Variants in DGKK observed in about 807,000 individuals in gnomAD.
DGKK encodes the protein 142 kDa diacylglycerol kinase.
DGKK carries 35 observed loss-of-function variants against 92.2 expected under a neutral mutation model. The observed-to-expected ratio is 0.38, with a 90% CI of 0.29 to 0.50. The LOEUF is 0.50. Ranked by LOEUF, DGKK falls within the 20% of genes least tolerant of loss-of-function variation. The pLI is 0.92. For missense variants in DGKK, 910 were observed against 992.2 expected, an observed-to-expected ratio of 0.92 and a Z score of 1.11; for synonymous variants, 368 against 360.6, an observed-to-expected ratio of 1.02 and a Z score of -0.23.
At chrX:50,401,772 C>T (rs1925012497) in intron 7 of DGKK, among the ~76,000 whole-genome samples, 1 of 110,572 alleles carries the variant, frequency 9.0e-6, no homozygotes, top group Admixed American at 9.6e-5. Flanking sequence ...CAGAGGACAA[C>T]CAGAGTCTTC....
intron 22 of DGKK, among the ~76,000 whole-genome samples, chrX:50,377,493 G>C (rs1007152764): frequency 9.8e-5 from 11 of 112,053 alleles, no homozygotes; most frequent in African/African-American, 3.6e-4. Flanking sequence ...GCACAGAATA[G>C]GCAGTTTATA....
rs868935246 is a variant in DGKK, at chrX:50,470,588, G to A, written c.91C>T (p.Pro31Ser). 6 of 1,194,920 alleles carry A rather than the reference G, an allele frequency of 5.0e-6. No individual in the cohort carries two copies. The Admixed American group carries it at 1.4e-4, about 27-fold the overall frequency. Reference protein sequence around the residue: ...AESPEPPPPWPPPPPPPAPPP... With the variant: ...AESPEPPPPWSPPPPPPAPPP... ...GGAGCCGGTGGTGGTGGCGGCGGCG[G>A]CCAAGGCGGCGGAGGCTCTGGAGAC... is the stretch of plus-strand genomic sequence containing the variant. Residue 31 changes from proline (P) to serine (S), a missense_variant, in exon 1 of 28, where the codon CCG (proline) becomes TCG (serine). Pro to Ser is a moderately conservative substitution (Grantham distance 74, BLOSUM62 -1). Coordinates refer to ENST00000611977, the MANE Select transcript of DGKK (RefSeq NM_001013742.4).
At chrX:50,442,156 T>A (rs1358007652) in intron 1 of DGKK, among the ~76,000 whole-genome samples, 1 of 111,639 alleles carries the variant, frequency 9.0e-6, no homozygotes, top group Non-Finnish European at 1.9e-5. Flanking sequence ...GAAATGCACA[T>A]TTTCAAGTCT....
chrX:50,447,803 G>A (rs1481965179), intron 1 of DGKK, among the ~76,000 whole-genome samples: 3 of 109,621 alleles, frequency 2.7e-5, no homozygotes, highest in African/African-American at 1.0e-4. Flanking sequence ...GGAAGGAGGG[G>A]GAGCAGTAAC....
intron 4 of DGKK, among the ~76,000 whole-genome samples, chrX:50,413,192 C>T (rs183771917): frequency 9.0e-5 from 10 of 110,570 alleles, no homozygotes; most frequent in East Asian, 5.7e-4. Context: ...TGCCTTATAC[C>T]GTATTAAAAA....
At chrX:50,412,432 T>C (rs1263870386) in intron 4 of DGKK, among the ~76,000 whole-genome samples, 2 of 112,118 alleles carry the variant, frequency 1.8e-5, no homozygotes, top group Non-Finnish European at 3.8e-5. Context: ...AATTCCAATG[T>C]CATTTTTTGA....
At chrX:50,430,226 G>A (rs1291146528) in intron 1 of DGKK, among the ~76,000 whole-genome samples, 1 of 112,033 alleles carries the variant, frequency 8.9e-6, no homozygotes, top group African/African-American at 3.2e-5. Flanking sequence ...CATAAGAAGG[G>A]ACACACATGT....
At chrX:50,396,082 CTGGTTAAGTACGTTA>C (rs1557226087) in intron 8 of DGKK, among the ~76,000 whole-genome samples, 1 of 111,940 alleles carries the variant, frequency 8.9e-6, no homozygotes, top group East Asian at 2.8e-4. Context: ...TCATAGTGGA[CTGGTTAAGTACGTTA>C]TGGTGTATCC....
intron 1 of DGKK, among the ~76,000 whole-genome samples, chrX:50,465,435 C>CT (rs782072031): frequency 7.9e-4 from 79 of 100,305 alleles, no homozygotes; most frequent in African/African-American, 2.1e-3. Context: ...TGCTTGCTTG[C>CT]TTTTTTTTTT....
intron 4 of DGKK, among the ~76,000 whole-genome samples, chrX:50,414,794 G>A (rs1382466559): frequency 5.4e-5 from 6 of 111,913 alleles, no homozygotes; most frequent in African/African-American, 1.9e-4. Context: ...GACTTAATTA[G>A]CTATCTCTAC....
chrX:50,419,154 G>A (rs1049835551), intron 4 of DGKK, among the ~76,000 whole-genome samples: 21 of 111,444 alleles, frequency 1.9e-4, no homozygotes, highest in African/African-American at 6.8e-4. Flanking sequence ...AATTCTGAGT[G>A]CTAAATCATA....
intron 10 of DGKK, 110 bp downstream of exon 10, chrX:50,392,231 A>T: frequency 1.9e-6 from 1 of 534,803 alleles, no homozygotes; most frequent in Non-Finnish European, 3.1e-6. Flanking sequence ...AACCTGGGGG[A>T]AACATATTTT....
At chrX:50,369,452 T>C (rs781813351) in intron 27 of DGKK, among the ~76,000 whole-genome samples, 1 of 109,753 alleles carries the variant, frequency 9.1e-6, no homozygotes, top group East Asian at 2.9e-4. Flanking sequence ...TTTCTTTCCT[T>C]CTTTCTTTCA....
chrX:50,455,741 A>G (rs781928531), intron 1 of DGKK, among the ~76,000 whole-genome samples: 139 of 111,680 alleles, frequency 1.2e-3, no homozygotes, highest in African/African-American at 4.3e-3. Context: ...CTCAGGATCA[A>G]CCCTTTAAAG....
rs782615662 is a variant in DGKK at position 50,386,592 on chromosome X, T to C, written c.2119-6A>G. 75 of 1,196,331 alleles carry C rather than the reference T, an allele frequency of 6.3e-5. No homozygotes were observed. The highest frequency in any genetic ancestry group is 8.1e-5 in the Non-Finnish European group (72 of 885,258). ...CTATCATACATTAAGTCACTCTATATAGAAAGGAAGGAGACAGGGCATTGT... is the reference window on the plus strand; with the variant it reads ...CTATCATACATTAAGTCACTCTATACAGAAAGGAAGGAGACAGGGCATTGT... On this transcript the variant is annotated splice_region_variant and splice_polypyrimidine_tract_variant and intron_variant, in intron 14 of 27. Coordinates refer to ENST00000611977, the MANE Select transcript of DGKK (RefSeq NM_001013742.4).
Position 50,382,512 on chromosome X carries a change from G to A in DGKK, c.2641C>T (p.His881Tyr), listed in dbSNP as rs1793876438. ...SLDFNTRRDEHPGQYNSRLKN... is the reference protein window; with the variant it reads ...SLDFNTRRDEYPGQYNSRLKN... ...TTTCCTTACTTGTATTGCCCTGGGT[G>A]TTCATCTCTTCTGGTGTTGAAGTCC... The change falls in exon 18 of 28, where the codon CAC becomes TAC. Residue 881 changes from histidine to tyrosine, a missense_variant. His to Tyr is a moderately conservative substitution (Grantham distance 83). Coordinates refer to ENST00000611977, the MANE Select transcript of DGKK (RefSeq NM_001013742.4). 2 of 1,206,876 alleles carry A rather than the reference G, an allele frequency of 1.7e-6. No homozygotes were observed. The highest frequency in any genetic ancestry group is 1.7e-5 in the African/African-American group (1 of 57,722).
chrX:50,390,383 G>T lies in DGKK; in HGVS notation c.1871C>A (p.Pro624His), dbSNP rs782732083. The change falls in exon 12 of 28, where the codon CCC (proline) becomes CAC (histidine). Residue 624 changes from proline (P) to histidine (H), a missense_variant. Coordinates refer to ENST00000611977, the MANE Select transcript of DGKK (RefSeq NM_001013742.4). The part of the protein sequence containing the change: ...DRWSVMIRET[P>H]RQTPLLKGQV... ...TCCTTTTAGCAGCGGGGTTTGTCTG[G>T]GAGTCTCACGAATCATCACACTCCA... The T allele has an allele frequency of 7.4e-6, 9 of 1,210,735 alleles. No homozygotes were observed. Among genetic ancestry groups the T allele is most frequent in the Non-Finnish European group, 1.0e-5 (9 of 894,621 alleles).
chrX:50,437,287 C>A (rs1332535296), intron 1 of DGKK, among the ~76,000 whole-genome samples: 4 of 111,370 alleles, frequency 3.6e-5, no homozygotes, highest in Non-Finnish European at 3.8e-5. Context: ...CCATCCAGAT[C>A]TGCATCCTTT....
chrX:50,467,988 T>C (rs1183741705), intron 1 of DGKK, among the ~76,000 whole-genome samples: 2 of 112,089 alleles, frequency 1.8e-5, no homozygotes, highest in Non-Finnish European at 3.8e-5. Context: ...ATTCAACAAA[T>C]GTCTGGCTCT....
Sources: gnomAD v4.1 joint callset for allele counts (sites outside exome capture counted in the v4.1 genomes callset) on GRCh38, gnomAD v4.1.1 for gene constraint, MANE v1.5 for transcripts, NCBI Gene and HGNC (gene_info 2026-07-23, HGNC 2026-07-21) for gene names.